The following CALN1 variants were observed in gnomAD, a reference collection of about 807,000 sequenced individuals.
CALN1 encodes the protein calcium-binding protein 8.
A neutral mutation model predicts 30.6 loss-of-function variants in CALN1; 17 were observed. The observed-to-expected ratio is 0.56, with a 90% CI of 0.38 to 0.83. The LOEUF is 0.83. Among genes scored for constraint, CALN1 ranks in the 40% least tolerant of loss-of-function variants. The pLI is 0.00. For missense variants in CALN1, 291 were observed against 354.9 expected, an observed-to-expected ratio of 0.82 and a Z score of 1.45; for synonymous variants, 156 against 131.4, an observed-to-expected ratio of 1.19 and a Z score of -1.28.
chr7:71,951,063 G>A (rs543794182), intron 5 of CALN1, among the ~76,000 whole-genome samples: 31 of 152,110 alleles, frequency 2.0e-4, no homozygotes, highest in Non-Finnish European at 4.1e-4. Context: ...TTTATTGCCT[G>A]TCTGCCCCAT....
At chr7:72,472,775 G>A in the CALN1 span, among the ~76,000 whole-genome samples, 1 of 151,966 alleles carries the variant, frequency 6.6e-6, no homozygotes, top group Non-Finnish European at 1.5e-5. Flanking sequence ...GAGGGAGAGA[G>A]ACTCCATCAA....
intron 5 of CALN1, among the ~76,000 whole-genome samples, chr7:71,955,260 G>A (rs1189078495): frequency 2.6e-5 from 4 of 152,054 alleles, no homozygotes; most frequent in African/African-American, 9.7e-5. Flanking sequence ...GGAAGAAACC[G>A]TCCCTGTGAT....
chr7:71,889,440 C>T (rs778940618), intron 5 of CALN1, among the ~76,000 whole-genome samples: 72 of 152,202 alleles, frequency 4.7e-4, no homozygotes, highest in Non-Finnish European at 8.4e-4. Context: ...AAATAAAACA[C>T]ATGCTCACAG....
chr7:72,278,654 G>A, intron 3 of CALN1, 32 bp downstream of exon 3: 1 of 1,592,430 alleles, frequency 6.3e-7, no homozygotes. Flanking sequence ...CTGGGAGGGG[G>A]GCCATCCCCC....
At chr7:71,875,318 A>G (rs1208805820) in intron 5 of CALN1, among the ~76,000 whole-genome samples, 2 of 152,170 alleles carry the variant, frequency 1.3e-5, no homozygotes, top group Non-Finnish European at 2.9e-5. Context: ...TATGGGTCAC[A>G]CCCAAGTTTG....
intron 1 of CALN1, among the ~76,000 whole-genome samples, chr7:72,411,460 A>T (rs12699140): frequency 0.073 from 11,124 of 152,290 alleles, 451 homozygotes; most frequent in African/African-American, 0.098. Context: ...AAACTCTGAA[A>T]TCTAGTTTGA....
intron 3 of CALN1, among the ~76,000 whole-genome samples, chr7:72,127,447 G>A (rs981729324): frequency 2.0e-4 from 30 of 152,144 alleles, no homozygotes; most frequent in South Asian, 4.1e-4. Flanking sequence ...GAGCAGAGGA[G>A]TCACGGGATC....
chr7:72,322,053 C>A (rs1194481596), intron 2 of CALN1, among the ~76,000 whole-genome samples: 1 of 152,160 alleles, frequency 6.6e-6, no homozygotes, highest in African/African-American at 2.4e-5. Context: ...ATTTATCGTG[C>A]ACTTTATTTC....
At chr7:72,316,559 A>T (rs1800459850) in intron 2 of CALN1, among the ~76,000 whole-genome samples, 1 of 152,156 alleles carries the variant, frequency 6.6e-6, no homozygotes, top group African/African-American at 2.4e-5. Context: ...CTCTGGGGTC[A>T]GTGGGATTAC....
chr7:72,384,608 C>A (rs1311903209), intron 2 of CALN1, among the ~76,000 whole-genome samples: 1 of 151,758 alleles, frequency 6.6e-6, no homozygotes, highest in Non-Finnish European at 1.5e-5. Context: ...TCAGCTACTG[C>A]ACTCCAGCCT....
the CALN1 span, among the ~76,000 whole-genome samples, chr7:72,452,405 C>T: frequency 0.035 from 5,320 of 152,162 alleles, 141 homozygotes; most frequent in Non-Finnish European, 0.048. Context: ...TGGCACCCTC[C>T]TTGTGATAAT....
chr7:72,168,848 C>G (rs1788730223), intron 3 of CALN1, among the ~76,000 whole-genome samples: 1 of 147,896 alleles, frequency 6.8e-6, no homozygotes, highest in South Asian at 2.1e-4. Context: ...TCTTCTCAAC[C>G]AGGCTGGAGT....
chr7:71,986,764 T>C (rs1798693606), intron 5 of CALN1, among the ~76,000 whole-genome samples: 1 of 152,204 alleles, frequency 6.6e-6, no homozygotes, highest in Admixed American at 6.5e-5. Context: ...TACAGGTGAT[T>C]TGTTATATAA....
At chr7:71,943,788 T>C (rs1796260393) in intron 5 of CALN1, among the ~76,000 whole-genome samples, 1 of 152,022 alleles carries the variant, frequency 6.6e-6, no homozygotes, top group African/African-American at 2.4e-5. Flanking sequence ...AAGAAGAGAA[T>C]GTGTATAAAA....
chr7:72,422,446 G>A (rs1364557777), intron 1 of CALN1, among the ~76,000 whole-genome samples: 1 of 152,162 alleles, frequency 6.6e-6, no homozygotes, highest in Non-Finnish European at 1.5e-5. Context: ...GTCTTTTCAA[G>A]GTAGCAGCAG....
chr7:71,824,043 A>G (rs1006208964), intron 5 of CALN1, among the ~76,000 whole-genome samples: 5 of 152,024 alleles, frequency 3.3e-5, no homozygotes, highest in African/African-American at 9.7e-5. Context: ...GGGAGCTACA[A>G]TTCAAGATGA....
intron 5 of CALN1, among the ~76,000 whole-genome samples, chr7:71,811,932 G>A (rs781489754): frequency 6.6e-6 from 1 of 151,350 alleles, no homozygotes; most frequent in Non-Finnish European, 1.5e-5. Context: ...ACCCGCCTCG[G>A]CCTCCCAAAG....
At chr7:72,474,136 G>A in the CALN1 span, among the ~76,000 whole-genome samples, 7 of 152,078 alleles carry the variant, frequency 4.6e-5, no homozygotes, top group South Asian at 2.1e-4. Context: ...CATTTCCACC[G>A]GGAAAACATT....
chr7:72,196,671 C>T (rs185229885), intron 3 of CALN1, among the ~76,000 whole-genome samples: 93 of 152,268 alleles, frequency 6.1e-4, no homozygotes, highest in African/African-American at 2.1e-3. Context: ...TGATGGTGGA[C>T]ATTTATCCAA....
Sources: gnomAD v4.1 joint callset for allele counts (sites outside exome capture counted in the v4.1 genomes callset) on GRCh38, gnomAD v4.1.1 for gene constraint, MANE v1.5 for transcripts, NCBI Gene and HGNC (gene_info 2026-07-23, HGNC 2026-07-21) for gene names.